The following NME8 variants were observed in gnomAD, a reference collection of about 807,000 sequenced individuals.
NME8 encodes the protein protein NME8.
In NME8, 72 loss-of-function variants were observed where a neutral mutation model predicts 82.3. The ratio of observed to expected loss-of-function variants is 0.87; its 90% CI spans 0.72 to 1.06. NME8 has a LOEUF of 1.06. Among genes scored for constraint, NME8 ranks in the 50% least tolerant of loss-of-function variants. The pLI is 0.00. For missense variants in NME8, 712 were observed against 685.4 expected (o/e 1.04, Z -0.43); for synonymous variants, 267 against 228.5 (o/e 1.17, Z -1.52).
intron 11 of NME8, among the ~76,000 whole-genome samples, chr7:37,875,419 C>A (rs1468952949): frequency 1.3e-5 from 2 of 151,752 alleles, no homozygotes; most frequent in South Asian, 4.2e-4. Context: ...CACACACACA[C>A]CCACACAGCC....
intron 2 of NME8, among the ~76,000 whole-genome samples, chr7:37,849,740 G>A (rs1339583728): frequency 2.0e-5 from 3 of 151,876 alleles, no homozygotes; most frequent in Non-Finnish European, 2.9e-5. Flanking sequence ...CCGTGGTGGC[G>A]GGTGCCTGTA....
At chr7:37,856,383 G>A (rs945026435) in intron 5 of NME8, among the ~76,000 whole-genome samples, 3 of 152,118 alleles carry the variant, frequency 2.0e-5, no homozygotes, top group African/African-American at 7.2e-5. Context: ...GGAGAAGAGG[G>A]CCTTCACTTC....
At chr7:37,895,111 G>A (rs538792764) in intron 16 of NME8, among the ~76,000 whole-genome samples, 2 of 152,284 alleles carry the variant, frequency 1.3e-5, no homozygotes, top group Admixed American at 6.5e-5. Context: ...GTGCATGACA[G>A]ATATTAAACA....
At chr7:37,872,432 A>C (rs1784782354) in intron 11 of NME8, among the ~76,000 whole-genome samples, 1 of 152,220 alleles carries the variant, frequency 6.6e-6, no homozygotes, top group South Asian at 2.1e-4. Flanking sequence ...TACAAAAATC[A>C]CAACACAAGT....
chr7:37,895,139 A>G (rs1209873951), intron 16 of NME8, among the ~76,000 whole-genome samples: 1 of 152,202 alleles, frequency 6.6e-6, no homozygotes, highest in Non-Finnish European at 1.5e-5. Context: ...AATGTTAGCT[A>G]TGATTATTCA....
At position 37,885,159 on chromosome 7, in the gene NME8, C is replaced by T; in HGVS notation, c.1154C>T (p.Ala385Val). 6.2e-7 allele frequency: 1 copy of T among 1,610,840 alleles called. No individual in the cohort carries two copies. Among genetic ancestry groups the T allele is most frequent in the South Asian group, 1.1e-5 (1 of 90,988 alleles). The stretch of plus-strand genomic sequence containing the variant: ...TTTTCTAATAGTGGTCCATCTCTAG[C>T]CCTTGTTTTATTGAGAGACAATGGC... Reference protein sequence around the residue: ...IENMTSGPSLALVLLRDNGLQ... With the variant: ...IENMTSGPSLVLVLLRDNGLQ... The change falls in exon 14 of 18, where the codon GCC becomes GTC. Residue 385 changes from alanine (A) to valine (V), a missense_variant. Physicochemically the swap from Ala to Val is moderately conservative, Grantham distance 64. Transcript: ENST00000199447.
chr7:37,876,043 G>A (rs977679360), intron 11 of NME8, among the ~76,000 whole-genome samples: 24 of 151,638 alleles, frequency 1.6e-4, no homozygotes, highest in Non-Finnish European at 2.9e-4. Context: ...CCATCTCTAC[G>A]AAAATACAAA....
At chr7:37,854,852 A>G (rs889967179) in intron 5 of NME8, among the ~76,000 whole-genome samples, 1 of 152,142 alleles carries the variant, frequency 6.6e-6, no homozygotes, top group Non-Finnish European at 1.5e-5. Flanking sequence ...GACTTCCTTA[A>G]TTGGCTCTGT....
At chr7:37,899,333 A>G (rs1785277985) in intron 17 of NME8, among the ~76,000 whole-genome samples, 1 of 152,250 alleles carries the variant, frequency 6.6e-6, no homozygotes, top group South Asian at 2.1e-4. Context: ...CATATATGGC[A>G]TGGAATACTA....
intron 5 of NME8, among the ~76,000 whole-genome samples, chr7:37,856,141 T>G (rs1480315025): frequency 6.6e-6 from 1 of 152,176 alleles, no homozygotes; most frequent in African/African-American, 2.4e-5. Context: ...TCAAGGTTTA[T>G]GGTATTGCAC....
intron 16 of NME8, 147 bp from the exon 17 acceptor site, chr7:37,896,723 A>G (rs1254657771): frequency 1.4e-6 from 1 of 701,584 alleles, no homozygotes; most frequent in Non-Finnish European, 2.5e-6. Context: ...GGAGAAATGA[A>G]AAAAAGAAAG....
intron 15 of NME8, among the ~76,000 whole-genome samples, chr7:37,890,630 A>T (rs1474593016): frequency 6.6e-6 from 1 of 151,786 alleles, no homozygotes; most frequent in African/African-American, 2.4e-5. Context: ...CTTCTAGGAG[A>T]TCAACTTCTT....
chr7:37,854,207 TA>T (rs770999121), intron 5 of NME8, among the ~76,000 whole-genome samples: 18 of 152,184 alleles, frequency 1.2e-4, no homozygotes, highest in Admixed American at 3.3e-4. Flanking sequence ...ATTCTTGCAA[TA>T]AAGTAAGCTA....
At chr7:37,852,712 CA>C (rs1191492674) in intron 5 of NME8, among the ~76,000 whole-genome samples, 1 of 152,018 alleles carries the variant, frequency 6.6e-6, no homozygotes, top group African/African-American at 2.4e-5. Context: ...CTGGATATAC[CA>C]GGGTTTATTT....
chr7:37,853,907 GT>G (rs1784473157), intron 5 of NME8, among the ~76,000 whole-genome samples: 2 of 150,404 alleles, frequency 1.3e-5, no homozygotes, highest in African/African-American at 4.9e-5. Context: ...AGTTAATAGT[GT>G]TTATTATAGT....
chr7:37,877,472 A>G (rs943080840), intron 12 of NME8, among the ~76,000 whole-genome samples: 2 of 152,346 alleles, frequency 1.3e-5, no homozygotes, highest in Admixed American at 6.5e-5. Context: ...CAGAGTGAAT[A>G]TGGCAGAACA....
rs181982812 is a variant in NME8, at chr7:37,886,460, A to G, written c.1247+1208A>G. 2.7e-3 allele frequency among the ~76,000 whole-genome samples: 410 copies of G among 152,286 alleles called. 5 individuals carry two copies. The highest frequency in any genetic ancestry group is 9.7e-3 in the African/African-American group (401 of 41,554). On this transcript the variant is annotated intron_variant, in intron 14 of 17. Transcript: ENST00000199447. ...TTTTCCACTTTCCTTGGCTCCACCC[A>G]CCACTTACGGTTGCTTTAGGAATAA...
Position 37,862,110 on chromosome 7 carries a change from G to C in NME8, c.353G>C (p.Arg118Thr). ...KKVINLIDEE[R>T]KIAAGEMARP... ...GTTATTAATTTGATCGATGAGGAGA[G>C]AAAAATTGCAGCAGGTGAAATGGCT... Residue 118 changes from arginine (R) to threonine (T), a missense_variant, in exon 7 of 18, where the codon AGA becomes ACA. Transcript: ENST00000199447. The C allele has an allele frequency of 1.2e-6, 2 of 1,613,326 alleles. No individual in the cohort carries two copies. The highest frequency in any genetic ancestry group is 1.7e-5 in the Admixed American group (1 of 59,982).
At chr7:37,882,602 AGAG>A (rs1562838256) in intron 12 of NME8, among the ~76,000 whole-genome samples, 5,028 of 91,644 alleles carry the variant, frequency 0.055, 291 homozygotes, top group Middle Eastern at 0.081. Context: ...AAAGAAAGAG[AGAG>A]AGAGAGAGAG....
Sources: allele counts gnomAD v4.1 joint callset (sites outside exome capture counted in the v4.1 genomes callset), GRCh38; gene constraint gnomAD v4.1.1; transcripts MANE v1.5; gene names NCBI Gene and HGNC (gene_info 2026-07-23, HGNC 2026-07-21).